ATXN7: variants seen among roughly 807,000 people sequenced by gnomAD.
ATXN7 encodes the protein ataxin-7.
A neutral mutation model predicts 70.5 loss-of-function variants in ATXN7; 12 were observed. The ratio of observed to expected loss-of-function variants is 0.17; its 90% CI spans 0.11 to 0.28. ATXN7 has a LOEUF of 0.28. Among genes scored for constraint, ATXN7 ranks in the 10% least tolerant of loss-of-function variants. The pLI is 1.00. For missense variants in ATXN7, 1,256 were observed against 1,131.7 expected, an observed-to-expected ratio of 1.11 and a Z score of -1.58; for synonymous variants, 498 against 448.7, an observed-to-expected ratio of 1.11 and a Z score of -1.39.
At chr3:63,923,227 G>C (rs1172578385) in intron 4 of ATXN7, among the ~76,000 whole-genome samples, 1 of 152,198 alleles carries the variant, frequency 6.6e-6, no homozygotes, top group Non-Finnish European at 1.5e-5. Context: ...CTCCACAGAA[G>C]GTGAGAAAGC....
At chr3:63,994,150 G>A (rs914895262) in intron 11 of ATXN7, among the ~76,000 whole-genome samples, 1 of 152,210 alleles carries the variant, frequency 6.6e-6, no homozygotes, top group African/African-American at 2.4e-5. Context: ...CTCCACAGGT[G>A]ACTGTAATGT....
intron 5 of ATXN7, among the ~76,000 whole-genome samples, chr3:63,967,323 G>A (rs1225449420): frequency 6.6e-6 from 1 of 152,152 alleles, no homozygotes; most frequent in Admixed American, 6.5e-5. Flanking sequence ...AATATGCACA[G>A]AAAGTGGGTT....
intron 9 of ATXN7, among the ~76,000 whole-genome samples, chr3:63,988,783 C>A (rs2075619181): frequency 6.6e-6 from 1 of 152,132 alleles, no homozygotes; most frequent in South Asian, 2.1e-4. Flanking sequence ...GGGGCTTTGG[C>A]CCAAGCATGT....
chr3:63,931,324 A>T (rs1180420915), intron 4 of ATXN7, among the ~76,000 whole-genome samples: 4 of 152,178 alleles, frequency 2.6e-5, no homozygotes, highest in Non-Finnish European at 5.9e-5. Flanking sequence ...CCCAAAAAAA[A>T]GTAGAGGAGA....
chr3:63,908,657 A>T (rs768906541), intron 2 of ATXN7, among the ~76,000 whole-genome samples: 3 of 152,194 alleles, frequency 2.0e-5, no homozygotes, highest in Non-Finnish European at 4.4e-5. Context: ...GGGATCTTGT[A>T]TCTTAGAAAT....
At chr3:63,910,901 A>G (rs1361949895) in intron 2 of ATXN7, among the ~76,000 whole-genome samples, 1 of 151,934 alleles carries the variant, frequency 6.6e-6, no homozygotes, top group Non-Finnish European at 1.5e-5. Context: ...AACCCTCTCT[A>G]GCAATCCCAC....
intron 5 of ATXN7, among the ~76,000 whole-genome samples, chr3:63,956,259 G>GT (rs2075036695): frequency 6.6e-6 from 1 of 151,752 alleles, no homozygotes; most frequent in Admixed American, 6.6e-5. Context: ...GTGAAACCCC[G>GT]TCTGTACTAA....
chr3:63,964,241 T>A (rs1434928908), intron 5 of ATXN7, among the ~76,000 whole-genome samples: 1 of 152,212 alleles, frequency 6.6e-6, no homozygotes, highest in Non-Finnish European at 1.5e-5. Flanking sequence ...TATAGGCAGT[T>A]TCTCGGGCGT....
At chr3:63,932,136 T>C (rs2074559084) in intron 4 of ATXN7, among the ~76,000 whole-genome samples, 1 of 152,230 alleles carries the variant, frequency 6.6e-6, no homozygotes, top group African/African-American at 2.4e-5. Flanking sequence ...ATTTCCATTA[T>C]TATTTTACTT....
At chr3:63,868,207 T>C (rs1702491373) in intron 1 of ATXN7, among the ~76,000 whole-genome samples, 1 of 152,206 alleles carries the variant, frequency 6.6e-6, no homozygotes. Context: ...GAAAATGTGT[T>C]TGTGCCTTGG....
rs565868599 is a variant in ATXN7, at chr3:63,946,198, T to C, written c.395-6181T>C. On this transcript the variant is annotated intron_variant, in intron 4 of 12. Transcript: ENST00000674280. Reference sequence around the variant, plus strand: ...TTTTTATTCATAAATCATAAATCAGTGAGTGAAGGGCTGAAATGGCAGGCA... The same window carrying C: ...TTTTTATTCATAAATCATAAATCAGCGAGTGAAGGGCTGAAATGGCAGGCA... 3.9e-5 allele frequency among the ~76,000 whole-genome samples: 6 copies of C among 151,960 alleles called. No individual in the cohort carries two copies. The East Asian group carries it at 1.2e-3, about 30-fold the overall frequency.
At chr3:63,976,839 A>G (rs2075396228) in intron 5 of ATXN7, among the ~76,000 whole-genome samples, 1 of 152,248 alleles carries the variant, frequency 6.6e-6, no homozygotes, top group Non-Finnish European at 1.5e-5. Context: ...TCAGTGACAC[A>G]CACAGAAAAA....
At chr3:63,907,626 ATT>A (rs547898744) in intron 2 of ATXN7, among the ~76,000 whole-genome samples, 18 of 131,196 alleles carry the variant, frequency 1.4e-4, no homozygotes, top group East Asian at 8.9e-4. Flanking sequence ...GCCTGGCTGT[ATT>A]TTTTTTTTTT....
intron 5 of ATXN7, among the ~76,000 whole-genome samples, chr3:63,960,861 T>A (rs1466049958): frequency 6.6e-6 from 1 of 152,004 alleles, no homozygotes; most frequent in Non-Finnish European, 1.5e-5. Flanking sequence ...GGGGGGTCAT[T>A]TTTTCTTTTC....
intron 4 of ATXN7, among the ~76,000 whole-genome samples, chr3:63,932,054 A>G (rs2074557926): frequency 6.6e-6 from 1 of 152,224 alleles, no homozygotes; most frequent in East Asian, 1.9e-4. Context: ...GATTTTCAAA[A>G]GCCCTCATGA....
intron 5 of ATXN7, among the ~76,000 whole-genome samples, chr3:63,969,153 A>T (rs1231034745): frequency 6.6e-6 from 1 of 152,214 alleles, no homozygotes; most frequent in African/African-American, 2.4e-5. Flanking sequence ...AAACATTGGC[A>T]TTCCTGGGTA....
chr3:63,917,313 C>T (rs1363295150), intron 4 of ATXN7, among the ~76,000 whole-genome samples: 1 of 152,108 alleles, frequency 6.6e-6, no homozygotes, highest in East Asian at 1.9e-4. Context: ...CTGCTTTTTC[C>T]CCCAAGGTGA....
chr3:63,864,014 G>T lies in ATXN7; in HGVS notation c.-255G>T, dbSNP rs1702323734. The T allele has an allele frequency of 1.3e-5, 2 of 148,400 alleles. No homozygotes were observed. The highest frequency in any genetic ancestry group is 6.8e-5 in the Admixed American group (1 of 14,684). 9.2% of individuals were successfully genotyped at this position (148,400 alleles called of 1,614,324 possible). A position where few individuals can be genotyped will look rare whatever the true frequency, so the allele number is the denominator to read the frequency against. ...CTCCCCGCGCTCCCGGTACTCCCCGGGGGCGGCCGCGGCCGGCGCGAGTTG... is the reference window on the plus strand; with the variant it reads ...CTCCCCGCGCTCCCGGTACTCCCCGTGGGCGGCCGCGGCCGGCGCGAGTTG... On this transcript the variant is annotated 5_prime_UTR_variant, in exon 1 of 13. Coordinates refer to ENST00000674280, the MANE Select transcript of ATXN7 (RefSeq NM_001377405.1).
chr3:63,868,763 A>T (rs1702508886), intron 1 of ATXN7, among the ~76,000 whole-genome samples: 1 of 152,218 alleles, frequency 6.6e-6, no homozygotes, highest in Admixed American at 6.5e-5. Flanking sequence ...AATCTGAATT[A>T]AAAAACTAAA....
Sources: allele counts gnomAD v4.1 joint callset (sites outside exome capture counted in the v4.1 genomes callset), GRCh38; gene constraint gnomAD v4.1.1; transcripts MANE v1.5; gene names NCBI Gene and HGNC (gene_info 2026-07-23, HGNC 2026-07-21).